The following TRPM3 variants were observed in gnomAD, a reference collection of about 807,000 sequenced individuals.
The protein encoded by TRPM3 is transient receptor potential cation channel subfamily M member 3, also known as long transient receptor potential channel 3.
Under a neutral mutation model 181.2 loss-of-function variants are expected in TRPM3, and 77 were observed. That is an observed-to-expected ratio of 0.42 (90% CI 0.35 to 0.51). The LOEUF is 0.51. Ranked by LOEUF, TRPM3 falls within the 20% of genes least tolerant of loss-of-function variation. The probability of loss-of-function intolerance (pLI) is 0.01; values close to 1 mark genes in which losing one functional copy is unlikely to be tolerated. For synonymous variants in TRPM3, 745 were observed against 796.4 expected (o/e 0.94, Z 1.09); for missense variants, 1,759 against 2,196.7 (o/e 0.80, Z 3.98).
At chr9:70,569,869 G>C (rs1296401799) in intron 22 of TRPM3, among the ~76,000 whole-genome samples, 2 of 151,978 alleles carry the variant, frequency 1.3e-5, no homozygotes, top group East Asian at 3.9e-4. Context: ...ATACAAAAAT[G>C]TAAAAAATAT....
chr9:71,346,795 G>A (rs980027306), intron 1 of TRPM3, among the ~76,000 whole-genome samples: 1 of 152,190 alleles, frequency 6.6e-6, no homozygotes, highest in African/African-American at 2.4e-5. Flanking sequence ...GAGTAGGGGT[G>A]GGAGGTAGAA....
chr9:71,238,018 G>C (rs755858308), intron 1 of TRPM3, among the ~76,000 whole-genome samples: 5 of 152,100 alleles, frequency 3.3e-5, no homozygotes, highest in Non-Finnish European at 7.4e-5. Flanking sequence ...TTCTAACTAC[G>C]GCAGAGGGTA....
chr9:71,340,688 G>A (rs891605156), intron 1 of TRPM3, among the ~76,000 whole-genome samples: 3 of 152,042 alleles, frequency 2.0e-5, no homozygotes, highest in African/African-American at 4.8e-5. Flanking sequence ...TGTGAAAACC[G>A]ACTAATACAG....
intron 1 of TRPM3, among the ~76,000 whole-genome samples, chr9:71,001,900 T>C (rs1301637657): frequency 2.0e-5 from 3 of 152,216 alleles, no homozygotes; most frequent in East Asian, 1.9e-4. Flanking sequence ...AAAATAGTTT[T>C]ATATAACCCA....
At chr9:71,194,585 T>G (rs907814575) in intron 1 of TRPM3, among the ~76,000 whole-genome samples, 1 of 151,842 alleles carries the variant, frequency 6.6e-6, no homozygotes, top group Non-Finnish European at 1.5e-5. Context: ...AATCACTGTT[T>G]GTAGGAGAGC....
At chr9:70,854,518 TG>T (rs754808579) in intron 3 of TRPM3, among the ~76,000 whole-genome samples, 2 of 152,318 alleles carry the variant, frequency 1.3e-5, no homozygotes, top group African/African-American at 2.4e-5. Flanking sequence ...CCAAGTAACT[TG>T]CCTTTAGCTC....
chr9:71,132,176 G>A (rs1280166813), intron 1 of TRPM3, among the ~76,000 whole-genome samples: 1 of 152,140 alleles, frequency 6.6e-6, no homozygotes, highest in Non-Finnish European at 1.5e-5. Context: ...ATAAGGGTAA[G>A]AAAGATATTA....
chr9:71,184,340 C>A (rs2077561904), intron 1 of TRPM3, among the ~76,000 whole-genome samples: 1 of 152,112 alleles, frequency 6.6e-6, no homozygotes, highest in African/African-American at 2.4e-5. Context: ...GGCCTCAAAT[C>A]TAGACTTTTG....
At chr9:70,829,102 A>T (rs2093734986) in intron 5 of TRPM3, among the ~76,000 whole-genome samples, 1 of 152,194 alleles carries the variant, frequency 6.6e-6, no homozygotes, top group Non-Finnish European at 1.5e-5. Context: ...ATCAAAATTG[A>T]CAGGAAAGAA....
intron 8 of TRPM3, among the ~76,000 whole-genome samples, chr9:70,758,541 G>T (rs1028323633): frequency 6.6e-6 from 1 of 152,116 alleles, no homozygotes; most frequent in Non-Finnish European, 1.5e-5. Flanking sequence ...TAAGCAAAAA[G>T]AACAAAGCTG....
At chr9:70,670,703 G>C (rs1349913510) in intron 9 of TRPM3, among the ~76,000 whole-genome samples, 1 of 152,080 alleles carries the variant, frequency 6.6e-6, no homozygotes, top group Admixed American at 6.5e-5. Flanking sequence ...AATGCCCTAG[G>C]AATTTTTAAA....
intron 1 of TRPM3, among the ~76,000 whole-genome samples, chr9:71,037,677 C>T (rs766001639): frequency 2.0e-5 from 3 of 152,226 alleles, no homozygotes; most frequent in Non-Finnish European, 4.4e-5. Flanking sequence ...GGCTAACAGC[C>T]TGCAGAACAT....
intron 1 of TRPM3, among the ~76,000 whole-genome samples, chr9:70,964,320 G>A (rs1473136653): frequency 2.6e-5 from 4 of 152,166 alleles, no homozygotes; most frequent in Non-Finnish European, 2.9e-5. Flanking sequence ...GTGAATGAAT[G>A]GATACTTAAG....
chr9:71,391,895 T>C (rs2093070497), intron 1 of TRPM3, among the ~76,000 whole-genome samples: 1 of 152,204 alleles, frequency 6.6e-6, no homozygotes, highest in Middle Eastern at 3.4e-3. Context: ...AATTTAGAGG[T>C]ATTTTAAGGC....
intron 1 of TRPM3, among the ~76,000 whole-genome samples, chr9:70,890,849 G>A (rs2096189078): frequency 6.6e-6 from 1 of 152,030 alleles, no homozygotes; most frequent in Admixed American, 6.6e-5. Context: ...TTCATAAAAG[G>A]ATAGAAAAGC....
chr9:70,935,708 T>C (rs1157266516), intron 1 of TRPM3, among the ~76,000 whole-genome samples: 5 of 152,208 alleles, frequency 3.3e-5, no homozygotes, highest in African/African-American at 4.8e-5. Flanking sequence ...CAAGAGTAAG[T>C]AGACACCTAA....
intron 1 of TRPM3, among the ~76,000 whole-genome samples, chr9:71,160,462 A>G (rs1008508116): frequency 6.6e-6 from 1 of 152,140 alleles, no homozygotes; most frequent in South Asian, 2.1e-4. Context: ...GTTATGCCAT[A>G]TAGAGTATTT....
rs116780376 is a variant in TRPM3 at position 71,388,178 on chromosome 9, A to T, written c.183+58475T>A. 9.4e-3 allele frequency among the ~76,000 whole-genome samples: 1,435 copies of T among 152,304 alleles called. 26 individuals carry two copies. Among genetic ancestry groups the T allele is most frequent in the African/African-American group, 0.032 (1,347 of 41,554 alleles). On this transcript the variant is annotated intron_variant, in intron 1 of 24. Transcript: ENST00000357533. ...GTTATATGATGAGCTAAGAGGAAAAAACTTTCCTTGAAGCTTGACTTTCAT... is the reference window on the plus strand; with the variant it reads ...GTTATATGATGAGCTAAGAGGAAAATACTTTCCTTGAAGCTTGACTTTCAT...
At chr9:71,091,905 A>C (rs1466396839) in intron 1 of TRPM3, among the ~76,000 whole-genome samples, 1 of 152,126 alleles carries the variant, frequency 6.6e-6, no homozygotes, top group Non-Finnish European at 1.5e-5. Flanking sequence ...GGGTGCCCCA[A>C]ATTTAAAATA....
Sources: allele counts gnomAD v4.1 joint callset (sites outside exome capture counted in the v4.1 genomes callset), GRCh38; gene constraint gnomAD v4.1.1; transcripts MANE v1.5; gene names NCBI Gene and HGNC (gene_info 2026-07-23, HGNC 2026-07-21).